Variants in ZFR2 observed in about 807,000 individuals in gnomAD.
ZFR2 encodes the protein zinc finger RNA binding protein 2.
Under a neutral mutation model 105.7 loss-of-function variants are expected in ZFR2, and 104 were observed. The ratio of observed to expected loss-of-function variants is 0.98; its 90% CI spans 0.84 to 1.16. The LOEUF is 1.16. Ranked by LOEUF, ZFR2 falls within the 50% of genes most tolerant of loss-of-function variation. The pLI is 0.00. For synonymous variants in ZFR2, 634 were observed against 597.7 expected (o/e 1.06, Z -0.89); for missense variants, 1,425 against 1,355.5 (o/e 1.05, Z -0.80).
intron 1 of ZFR2, chr19:3,852,213 A>C (rs566620633): frequency 2.0e-6 from 1 of 490,764 alleles, no homozygotes; most frequent in South Asian, 2.2e-5. Context: ...CTGGGTGGCA[A>C]TCCTGGCAGA....
chr19:3,806,864 C>T (rs529628980), intron 18 of ZFR2, among the ~76,000 whole-genome samples: 1 of 152,308 alleles, frequency 6.6e-6, no homozygotes, highest in Admixed American at 6.5e-5. Context: ...GCGGAGCTGT[C>T]GGCCACGGCT....
chr19:3,822,062 C>A lies in ZFR2; in HGVS notation c.1491+19G>T. ...AGCACAGCCCGGACGGGTGTCGGAGCTCCCCCTGCTGGACGCACCCGGTAC... is the reference window on the plus strand; with the variant it reads ...AGCACAGCCCGGACGGGTGTCGGAGATCCCCCTGCTGGACGCACCCGGTAC... On this transcript the variant is annotated intron_variant, in intron 9 of 18. Coordinates refer to ENST00000262961, the MANE Select transcript of ZFR2 (RefSeq NM_015174.2). 1 of 1,581,028 alleles carries A rather than the reference C, an allele frequency of 6.3e-7. No homozygotes were observed. Among genetic ancestry groups the A allele is most frequent in the Non-Finnish European group, 8.6e-7 (1 of 1,165,298 alleles).
At chr19:3,828,860 G>T (rs987098223) in intron 5 of ZFR2, among the ~76,000 whole-genome samples, 8 of 152,186 alleles carry the variant, frequency 5.3e-5, no homozygotes, top group African/African-American at 1.9e-4. Flanking sequence ...CACCGGCTTG[G>T]CACACAAGAA....
At position 3,806,063 on chromosome 19, in the gene ZFR2, C is replaced by T. The variant is rs199700045; in HGVS notation, c.2706G>A (p.Pro902=). 150 of 1,531,792 alleles carry T rather than the reference C, an allele frequency of 9.8e-5. No individual in the cohort carries two copies. In the African/African-American group the frequency reaches 1.4e-3, roughly 14 times the overall value. The allele number at this position is 1,531,792 out of a possible 1,614,324, so 94.9% of individuals were successfully genotyped here. A position where few individuals can be genotyped will look rare whatever the true frequency, so the allele number is the denominator to read the frequency against. Reference sequence around the variant, plus strand: ...AGCGGGCCCCCAGCCGGTGTCTGGGCGGCAGGAGATCCATGCCCAGGACCT... The same window carrying T: ...AGCGGGCCCCCAGCCGGTGTCTGGGTGGCAGGAGATCCATGCCCAGGACCT... ...THKVLGMDLL[P]PRHRLGARFR... Residue 902 remains proline (P), a synonymous_variant, in exon 19 of 19, where the codon CCG becomes CCA. Coordinates refer to ENST00000262961, the MANE Select transcript of ZFR2 (RefSeq NM_015174.2).
intron 1 of ZFR2, among the ~76,000 whole-genome samples, chr19:3,866,849 A>T (rs1322380524): frequency 6.6e-6 from 1 of 152,172 alleles, no homozygotes; most frequent in Non-Finnish European, 1.5e-5. Context: ...ATAAAAATTA[A>T]ATGCTCCATT....
chr19:3,851,592 G>A (rs1193639631), intron 1 of ZFR2, among the ~76,000 whole-genome samples: 3 of 152,230 alleles, frequency 2.0e-5, no homozygotes, highest in Non-Finnish European at 2.9e-5. Context: ...CACTCTCAGG[G>A]GAGACCATGG....
chr19:3,869,037 C>A lies in ZFR2; in HGVS notation c.-20G>T. On this transcript the variant is annotated 5_prime_UTR_variant, in exon 1 of 19. It adds an upstream start codon to the 5' untranslated region. Transcript: ENST00000262961. ...CGCCATCTTGGCGTCTTCCCCGAGC[C>A]TGGCGGACCCGCGACGTCACCCGCC... The A allele has an allele frequency of 7.5e-7, 1 of 1,340,944 alleles. No individual in the cohort carries two copies. Among genetic ancestry groups the A allele is most frequent in the Non-Finnish European group, 9.6e-7 (1 of 1,037,678 alleles). 83.1% of individuals were successfully genotyped at this position (1,340,944 alleles called of 1,614,324 possible).
chr19:3,816,592 C>A (rs1305167698), intron 13 of ZFR2, 82 bp downstream of exon 13: 8 of 1,494,566 alleles, frequency 5.4e-6, no homozygotes, highest in Non-Finnish European at 7.1e-6. Context: ...AGGTCCCCTG[C>A]CATCTAGGAG....
At chr19:3,811,508 G>A in intron 14 of ZFR2, 142 bp from the exon 15 acceptor site, 1 of 711,428 alleles carries the variant, frequency 1.4e-6, no homozygotes, top group Non-Finnish European at 2.3e-6. Flanking sequence ...AGGCTGGAGT[G>A]CAGTGGCATG....
chr19:3,859,785 C>A (rs2038351751), intron 1 of ZFR2, among the ~76,000 whole-genome samples: 1 of 152,260 alleles, frequency 6.6e-6, no homozygotes, highest in Non-Finnish European at 1.5e-5. Context: ...AACACACACA[C>A]ACCCAGAATT....
intron 1 of ZFR2, among the ~76,000 whole-genome samples, chr19:3,859,582 C>T (rs983646759): frequency 1.1e-4 from 16 of 152,222 alleles, no homozygotes; most frequent in African/African-American, 3.6e-4. Flanking sequence ...CTGACCTTGG[C>T]GCGGTGGGTC....
intron 1 of ZFR2, among the ~76,000 whole-genome samples, chr19:3,847,375 T>C (rs1384022872): frequency 6.6e-6 from 1 of 151,776 alleles, no homozygotes; most frequent in Non-Finnish European, 1.5e-5. Context: ...AACACAAAAA[T>C]TAGCTAGGTG....
intron 12 of ZFR2, among the ~76,000 whole-genome samples, chr19:3,817,896 A>G (rs1106643): frequency 0.6 from 91,851 of 152,118 alleles, 28,135 homozygotes; most frequent in East Asian, 0.78. Flanking sequence ...CCCTCAGGCC[A>G]AGTGGATCAG....
At chr19:3,810,281 A>G (rs2037747411) in intron 16 of ZFR2, among the ~76,000 whole-genome samples, 2 of 152,150 alleles carry the variant, frequency 1.3e-5, no homozygotes, top group African/African-American at 4.8e-5. Flanking sequence ...GTGCTCTGTG[A>G]ACCTTGTGGT....
At chr19:3,826,481 G>C (rs1312340962) in intron 6 of ZFR2, among the ~76,000 whole-genome samples, 3 of 151,732 alleles carry the variant, frequency 2.0e-5, no homozygotes, top group Admixed American at 2.0e-4. Context: ...TGTCGCCCAG[G>C]CTGGAGTGCG....
chr19:3,855,494 G>T (rs778234151), intron 1 of ZFR2: 22 of 1,207,948 alleles, frequency 1.8e-5, no homozygotes, highest in Non-Finnish European at 2.3e-5. Flanking sequence ...GGGACCAGCT[G>T]CTGTCATGGG....
intron 7 of ZFR2, among the ~76,000 whole-genome samples, chr19:3,824,745 T>G (rs2037930813): frequency 6.6e-6 from 1 of 152,190 alleles, no homozygotes; most frequent in Non-Finnish European, 1.5e-5. Flanking sequence ...GAGACCAGCC[T>G]GGCCAACATG....
At chr19:3,833,884 G>A in intron 2 of ZFR2, 106 bp from the exon 3 acceptor site, 2 of 861,966 alleles carry the variant, frequency 2.3e-6, no homozygotes, top group Non-Finnish European at 3.6e-6. Context: ...AGTCCTTCCT[G>A]CAGCGCTGGC....
chr19:3,822,274 C>T (rs1480158568), intron 8 of ZFR2, 74 bp from the exon 9 acceptor site: 11 of 1,530,672 alleles, frequency 7.2e-6, no homozygotes, highest in African/African-American at 1.4e-5. Flanking sequence ...GCTGCCAGGT[C>T]GCGGCGGAGC....
Sources: gnomAD v4.1 joint callset for allele counts (sites outside exome capture counted in the v4.1 genomes callset) on GRCh38, gnomAD v4.1.1 for gene constraint, MANE v1.5 for transcripts, NCBI Gene and HGNC (gene_info 2026-07-23, HGNC 2026-07-21) for gene names.